MYO5B: variants seen among roughly 807,000 people sequenced by gnomAD.
MYO5B encodes the protein myosin VB.
Under a neutral mutation model 229.3 loss-of-function variants are expected in MYO5B, and 143 were observed. The observed-to-expected ratio is 0.62, with a 90% confidence interval of 0.54 to 0.72. The LOEUF is 0.72. Among genes scored for constraint, MYO5B ranks in the 30% least tolerant of loss-of-function variants. The pLI is 0.00. For missense variants in MYO5B, 2,321 were observed against 2,331.0 expected (o/e 1.00, Z 0.09); for synonymous variants, 918 against 885.2 (o/e 1.04, Z -0.66).
chr18:50,130,057 T>C (rs1305173855), intron 1 of MYO5B, among the ~76,000 whole-genome samples: 1 of 152,176 alleles, frequency 6.6e-6, no homozygotes, highest in Non-Finnish European at 1.5e-5. Context: ...CAGCACAGCC[T>C]GCACTGAATT....
At chr18:50,041,902 G>C (rs909804680) in intron 2 of MYO5B, among the ~76,000 whole-genome samples, 1 of 152,080 alleles carries the variant, frequency 6.6e-6, no homozygotes, top group African/African-American at 2.4e-5. Flanking sequence ...AATATACAAA[G>C]AGTTATAAGA....
At chr18:50,088,024 G>C (rs1282566099) in intron 1 of MYO5B, among the ~76,000 whole-genome samples, 1 of 152,186 alleles carries the variant, frequency 6.6e-6, no homozygotes, top group Non-Finnish European at 1.5e-5. Flanking sequence ...CAGGGACTTT[G>C]AGCAAAGCTT....
intron 22 of MYO5B, among the ~76,000 whole-genome samples, chr18:49,894,397 A>C (rs2024753321): frequency 6.6e-6 from 1 of 152,140 alleles, no homozygotes. Context: ...GGAGCAGGGA[A>C]TCTCTATGCC....
At position 50,070,304 on chromosome 18, in the gene MYO5B, G is replaced by T. The variant is rs141414897; in HGVS notation, c.28-14926C>A. On this transcript the variant is annotated intron_variant, in intron 1 of 39. Coordinates refer to ENST00000285039, the MANE Select transcript of MYO5B (RefSeq NM_001080467.3). ...CTCCCAAAGTGCTGGGACTACAAGCGTGAGCTATCGCGCCCAGCTGCAATT... is the reference window on the plus strand; with the variant it reads ...CTCCCAAAGTGCTGGGACTACAAGCTTGAGCTATCGCGCCCAGCTGCAATT... Among the ~76,000 whole-genome samples the T allele has an allele frequency of 5.3e-5, 8 of 152,116 alleles. No individual in the cohort carries two copies. The East Asian group carries it at 1.6e-3, about 30-fold the overall frequency.
At chr18:50,150,867 GAAGCCAC>G (rs1018377534) in intron 1 of MYO5B, among the ~76,000 whole-genome samples, 7 of 152,176 alleles carry the variant, frequency 4.6e-5, no homozygotes, top group African/African-American at 1.7e-4. Context: ...TAGGGCAGTG[GAAGCCAC>G]AACATATAGC....
chr18:49,848,660 G>A (rs759990966), intron 32 of MYO5B, among the ~76,000 whole-genome samples: 1 of 152,170 alleles, frequency 6.6e-6, no homozygotes, highest in African/African-American at 2.4e-5. Flanking sequence ...TGGACACAAG[G>A]GTAGGGGCAG....
chr18:50,184,164 C>A (rs1284997338), intron 1 of MYO5B, among the ~76,000 whole-genome samples: 1 of 151,826 alleles, frequency 6.6e-6, no homozygotes, highest in Non-Finnish European at 1.5e-5. Flanking sequence ...TTTGGGACTA[C>A]ATGGCCTAAG....
intron 1 of MYO5B, among the ~76,000 whole-genome samples, chr18:50,115,531 C>CACACACACACACAGAGAG (rs141545018): frequency 1.7e-4 from 11 of 66,484 alleles, no homozygotes; most frequent in African/African-American, 5.4e-4. Context: ...AAAACACACA[C>CACACACACACACAGAGAG]ACACACACAC....
intron 21 of MYO5B, among the ~76,000 whole-genome samples, chr18:49,898,297 T>C (rs1464987525): frequency 1.3e-5 from 2 of 152,238 alleles, no homozygotes; most frequent in Non-Finnish European, 2.9e-5. Flanking sequence ...ACTAAGTATA[T>C]GGAATCAAAT....
intron 1 of MYO5B, among the ~76,000 whole-genome samples, chr18:50,068,655 G>T (rs2030880360): frequency 6.6e-6 from 1 of 152,208 alleles, no homozygotes; most frequent in Admixed American, 6.5e-5. Flanking sequence ...TATGGAGCTG[G>T]AGATGTCAAG....
chr18:50,156,580 T>TA (rs1171579853), intron 1 of MYO5B, among the ~76,000 whole-genome samples: 3 of 152,152 alleles, frequency 2.0e-5, no homozygotes, highest in Non-Finnish European at 2.9e-5. Flanking sequence ...GTGAGTCAAT[T>TA]AAAAAACCTC....
At chr18:50,185,980 A>C (rs923869651) in intron 1 of MYO5B, among the ~76,000 whole-genome samples, 1 of 152,266 alleles carries the variant, frequency 6.6e-6, no homozygotes, top group Non-Finnish European at 1.5e-5. Flanking sequence ...AACAGAATGC[A>C]AACTACAACT....
chr18:49,978,746 A>ACAC (rs2025782127), intron 9 of MYO5B, among the ~76,000 whole-genome samples: 13 of 122,376 alleles, frequency 1.1e-4, no homozygotes, highest in Admixed American at 8.3e-4. Context: ...CACACACACA[A>ACAC]AATGCTCAGC....
At chr18:50,019,404 G>A (rs1219371794) in intron 4 of MYO5B, among the ~76,000 whole-genome samples, 1 of 152,146 alleles carries the variant, frequency 6.6e-6, no homozygotes, top group Non-Finnish European at 1.5e-5. Context: ...TGCTGCTCAT[G>A]CTGGCTACTC....
chr18:49,953,999 G>A (rs2025460921), intron 13 of MYO5B, among the ~76,000 whole-genome samples: 1 of 139,322 alleles, frequency 7.2e-6, no homozygotes. Context: ...TATATACACA[G>A]ACATATATGT....
Position 49,930,533 on chromosome 18 carries a change from C to T in MYO5B, c.2004-935G>A, listed in dbSNP as rs562787993. On this transcript the variant is annotated intron_variant, in intron 16 of 39. Transcript: ENST00000285039. ...TTTATACAAGACAGTACATAACAAA[C>T]ATGGTGAAAATGCCAAAAGAAGCCA... Among the ~76,000 whole-genome samples, 5 of 152,242 alleles carry T rather than the reference C, an allele frequency of 3.3e-5. No homozygotes were observed. In the South Asian group the frequency reaches 1.0e-3, roughly 32 times the overall value.
At chr18:50,062,263 GCAA>G (rs1263202479) in intron 1 of MYO5B, among the ~76,000 whole-genome samples, 2 of 152,120 alleles carry the variant, frequency 1.3e-5, no homozygotes, top group East Asian at 3.9e-4. Context: ...TGTTTCAGTT[GCAA>G]CAACGCCTTG....
chr18:49,869,786 C>T (rs532026417), intron 27 of MYO5B, among the ~76,000 whole-genome samples: 6 of 151,974 alleles, frequency 3.9e-5, no homozygotes, highest in African/African-American at 1.4e-4. Context: ...TGGGTGGGCC[C>T]TATCCCAGCC....
intron 24 of MYO5B, among the ~76,000 whole-genome samples, chr18:49,878,578 A>C (rs752939920): frequency 6.6e-6 from 1 of 152,200 alleles, no homozygotes; most frequent in Non-Finnish European, 1.5e-5. Context: ...TAGGAGACAC[A>C]ATCAGGCCCT....
Sources: gnomAD v4.1 joint callset for allele counts (sites outside exome capture counted in the v4.1 genomes callset) on GRCh38, gnomAD v4.1.1 for gene constraint, MANE v1.5 for transcripts, NCBI Gene and HGNC (gene_info 2026-07-23, HGNC 2026-07-21) for gene names.